LIN28A: variants seen among roughly 807,000 people sequenced by gnomAD.
The protein encoded by LIN28A is protein lin-28 homolog A.
LIN28A carries 11 observed loss-of-function variants against 21.1 expected under a neutral mutation model. That is an observed-to-expected ratio of 0.52 (90% CI 0.33 to 0.86). The LOEUF is 0.86. Ranked by LOEUF, LIN28A falls within the 40% of genes least tolerant of loss-of-function variation. The probability of loss-of-function intolerance (pLI) is 0.03; values close to 1 mark genes in which losing one functional copy is unlikely to be tolerated. For synonymous variants in LIN28A, 111 were observed against 108.7 expected (o/e 1.02, Z -0.13); for missense variants, 219 against 279.8 (o/e 0.78, Z 1.55).
chr1:26,413,446 A>G (rs919674688), intron 2 of LIN28A, among the ~76,000 whole-genome samples: 3 of 152,054 alleles, frequency 2.0e-5, no homozygotes, highest in Admixed American at 6.6e-5. Context: ...TAGGATCTAG[A>G]GCAATTGGGA....
intron 1 of LIN28A, 41 bp downstream of exon 1, chr1:26,410,963 G>C (rs1409685267): frequency 6.3e-7 from 1 of 1,592,260 alleles, no homozygotes; most frequent in South Asian, 1.1e-5. Flanking sequence ...TAGGATTCAG[G>C]GGCGGCCAGG....
At chr1:26,424,276 GCT>G (rs2075045227) in intron 2 of LIN28A, among the ~76,000 whole-genome samples, 1 of 152,004 alleles carries the variant, frequency 6.6e-6, no homozygotes, top group African/African-American at 2.4e-5. Context: ...ATGGAGTCTT[GCT>G]CTGTCAACCA....
chr1:26,417,362 G>A (rs937445835), intron 2 of LIN28A, among the ~76,000 whole-genome samples: 5 of 152,122 alleles, frequency 3.3e-5, no homozygotes, highest in Non-Finnish European at 4.4e-5. Context: ...ACACACCATC[G>A]AATAACTGCT....
intron 2 of LIN28A, among the ~76,000 whole-genome samples, chr1:26,422,682 G>C (rs1024822802): frequency 1.8e-4 from 28 of 151,900 alleles, no homozygotes; most frequent in African/African-American, 6.8e-4. Context: ...ACTTGACTAG[G>C]GTATTATCTG....
At chr1:26,415,088 A>G (rs2074985095) in intron 2 of LIN28A, among the ~76,000 whole-genome samples, 1 of 152,214 alleles carries the variant, frequency 6.6e-6, no homozygotes, top group African/African-American at 2.4e-5. Context: ...ATAGCTCCTC[A>G]GGACCCAGAT....
At chr1:26,422,063 C>T (rs1338594863) in intron 2 of LIN28A, among the ~76,000 whole-genome samples, 1 of 150,388 alleles carries the variant, frequency 6.6e-6, no homozygotes, top group Non-Finnish European at 1.5e-5. Flanking sequence ...GCCTGGAGCA[C>T]AGTTGTGTGA....
chr1:26,422,770 A>G (rs58268981), intron 2 of LIN28A, among the ~76,000 whole-genome samples: 47 of 152,278 alleles, frequency 3.1e-4, no homozygotes, highest in African/African-American at 8.9e-4. Context: ...TTTAAATTGT[A>G]ATATCTGGTA....
intron 3 of LIN28A, among the ~76,000 whole-genome samples, 158 bp from the exon 4 acceptor site, chr1:26,426,084 A>G (rs948517547): frequency 6.6e-6 from 1 of 152,226 alleles, no homozygotes; most frequent in Non-Finnish European, 1.5e-5. Context: ...CTTAGAGATC[A>G]TTTAGTAATA....
At chr1:26,424,402 C>G (rs538161038) in intron 2 of LIN28A, among the ~76,000 whole-genome samples, 1 of 151,764 alleles carries the variant, frequency 6.6e-6, no homozygotes, top group East Asian at 2.0e-4. Context: ...CCACCACACC[C>G]GGCTAATTTT....
rs759328295 is a variant in LIN28A at position 26,426,683 on chromosome 1, C to T, written c.*225C>T. The T allele has an allele frequency of 2.5e-4, 133 of 527,408 alleles. No individual in the cohort carries two copies. The highest frequency in any genetic ancestry group is 4.3e-4 in the Non-Finnish European group (123 of 288,290). 32.7% of individuals were successfully genotyped at this position (527,408 alleles called of 1,614,324 possible). A position where few individuals can be genotyped will look rare whatever the true frequency, so the allele number is the denominator to read the frequency against. ...TGCAAGTGAGGGTTCTGGGGGCAAC[C>T]AGGAGGGGGGAATCACCCTACAACC... is the stretch of plus-strand genomic sequence containing the variant. On this transcript the variant is annotated 3_prime_UTR_variant, in exon 4 of 4. Coordinates refer to ENST00000326279, the MANE Select transcript of LIN28A (RefSeq NM_024674.6).
chr1:26,422,175 A>C (rs2075032060), intron 2 of LIN28A, among the ~76,000 whole-genome samples: 1 of 151,424 alleles, frequency 6.6e-6, no homozygotes, highest in Admixed American at 6.6e-5. Flanking sequence ...TGCCTGGCTC[A>C]TTTTTGTATT....
Position 26,429,562 on chromosome 1 carries a change from A to AC in LIN28A, c.*3108dup, listed in dbSNP as rs2124312641. 6.6e-6 allele frequency: 1 copy of AC among 152,262 alleles called. No homozygotes were observed. Among genetic ancestry groups the AC allele is most frequent in the South Asian group, 2.1e-4 (1 of 4,820 alleles). The allele number at this position is 152,262 out of a possible 1,614,324, so 9.4% of individuals were successfully genotyped here. On this transcript the variant is annotated 3_prime_UTR_variant, in exon 4 of 4. Transcript: ENST00000326279. ...GACTGAGCCCCTTTGGGCTTTGGTG[A>AC]CCCCATCACTGGGGTGTGTTTATTT...
chr1:26,416,055 C>T (rs184854650), intron 2 of LIN28A, among the ~76,000 whole-genome samples: 161 of 152,116 alleles, frequency 1.1e-3, no homozygotes, highest in African/African-American at 3.7e-3. Context: ...TGCAGTGGCA[C>T]GAACTCGGCT....
rs2074960594 is a variant in LIN28A at position 26,411,667 on chromosome 1, TG to T, written c.228+86del. ...GTGGGCTCCGGGCTCGCAGTTGAAT[TG>T]AGGGCCATCGGGAGCCCTCATTATG... On this transcript the variant is annotated intron_variant, in intron 2 of 3. Coordinates refer to ENST00000326279, the MANE Select transcript of LIN28A (RefSeq NM_024674.6). This position sits in a 1 kb window ranked among gnomAD's most constrained non-coding sequence, Gnocchi z 5.4. The T allele has an allele frequency of 9.3e-6, 13 of 1,398,960 alleles. No homozygotes were observed. The Admixed American group carries it at 2.4e-4, about 25-fold the overall frequency. 86.7% of individuals were successfully genotyped at this position (1,398,960 alleles called of 1,614,324 possible).
rs2075080654 is a variant in LIN28A at position 26,429,519 on chromosome 1, C to T, written c.*3061C>T. On this transcript the variant is annotated 3_prime_UTR_variant, in exon 4 of 4. Transcript: ENST00000326279. ...TGTTTTTTTCCTGATCCTTTTCCCTCATTCCTGAACTGCAGGAGACTGAGC... is the reference window on the plus strand; with the variant it reads ...TGTTTTTTTCCTGATCCTTTTCCCTTATTCCTGAACTGCAGGAGACTGAGC... The T allele has an allele frequency of 6.6e-6, 1 of 152,478 alleles. No individual in the cohort carries two copies. The highest frequency in any genetic ancestry group is 6.5e-5 in the Admixed American group (1 of 15,280). The allele number at this position is 152,478 out of a possible 1,614,324, so 9.4% of individuals were successfully genotyped here.
rs1273403083 is a variant in LIN28A, at chr1:26,411,025, C to T, written c.31+103C>T. ...TGAGTCCTAGGCTGCCCAAAGGACC[C>T]CAAGACGGTGCGGCCTTCTGCTTCA... On this transcript the variant is annotated intron_variant, in intron 1 of 3. Coordinates refer to ENST00000326279, the MANE Select transcript of LIN28A (RefSeq NM_024674.6). This position sits in a 1 kb window ranked among gnomAD's most constrained non-coding sequence, Gnocchi z 5.4. 1 of 1,430,700 alleles carries T rather than the reference C, an allele frequency of 7.0e-7. No individual in the cohort carries two copies. The highest frequency in any genetic ancestry group is 9.4e-7 in the Non-Finnish European group (1 of 1,061,826). 88.6% of individuals were successfully genotyped at this position (1,430,700 alleles called of 1,614,324 possible).
chr1:26,425,592 T>C, intron 3 of LIN28A, 105 bp downstream of exon 3: 1 of 1,098,702 alleles, frequency 9.1e-7, no homozygotes, highest in Non-Finnish European at 1.3e-6. Context: ...AAGCCTGTGG[T>C]CCCTGGCAGC....
chr1:26,411,093 G>A lies in LIN28A; in HGVS notation c.31+171G>A, dbSNP rs917239979. 3.9e-5 allele frequency among the ~76,000 whole-genome samples: 6 copies of A among 152,208 alleles called. No homozygotes were observed. The highest frequency in any genetic ancestry group is 7.3e-5 in the Non-Finnish European group (5 of 68,036). Reference sequence around the variant, plus strand: ...CCAGGAACCTTGGTGTCCCAGTGGCGTGCGCGCCAGACTACGTGGGTGGAT... The same window carrying A: ...CCAGGAACCTTGGTGTCCCAGTGGCATGCGCGCCAGACTACGTGGGTGGAT... On this transcript the variant is annotated intron_variant, in intron 1 of 3. Coordinates refer to ENST00000326279, the MANE Select transcript of LIN28A (RefSeq NM_024674.6). This position sits in a 1 kb window ranked among gnomAD's most constrained non-coding sequence, Gnocchi z 5.4.
At chr1:26,415,983 C>CT (rs61537385) in intron 2 of LIN28A, among the ~76,000 whole-genome samples, 7 of 151,912 alleles carry the variant, frequency 4.6e-5, no homozygotes, top group South Asian at 2.1e-4. Flanking sequence ...TAGACAATGT[C>CT]TTTTTTTTAT....
Sources: gnomAD v4.1 joint callset for allele counts (sites outside exome capture counted in the v4.1 genomes callset) on GRCh38, gnomAD v4.1.1 for gene constraint, Gnocchi (gnomAD v3.1) non-coding constraint, MANE v1.5 for transcripts, NCBI Gene and HGNC (gene_info 2026-07-23, HGNC 2026-07-21) for gene names.